The following LARGE1 variants were observed in gnomAD, a reference collection of about 807,000 sequenced individuals.
LARGE1 encodes the protein LARGE xylosyl- and glucuronyltransferase 1.
A neutral mutation model predicts 87.6 loss-of-function variants in LARGE1; 43 were observed. That is an observed-to-expected ratio of 0.49 (90% confidence interval 0.38 to 0.63). The LOEUF is 0.63. Among genes scored for constraint, LARGE1 ranks in the 30% least tolerant of loss-of-function variants. The probability of loss-of-function intolerance (pLI) is 0.00; values close to 1 mark genes in which losing one functional copy is unlikely to be tolerated. For missense variants in LARGE1, 802 were observed against 1,000.2 expected, an observed-to-expected ratio of 0.80 and a Z score of 2.67; for synonymous variants, 434 against 394.6, an observed-to-expected ratio of 1.10 and a Z score of -1.18.
intron 5 of LARGE1, among the ~76,000 whole-genome samples, chr22:33,588,335 A>G (rs995789532): frequency 2.6e-5 from 4 of 152,194 alleles, no homozygotes; most frequent in African/African-American, 4.8e-5. Flanking sequence ...TAGAAGGGGA[A>G]CCCAAATTTG....
chr22:33,770,342 C>T (rs2145808172), intron 1 of LARGE1, among the ~76,000 whole-genome samples: 1 of 152,324 alleles, frequency 6.6e-6, no homozygotes, highest in South Asian at 2.1e-4. Flanking sequence ...AAGCATTGCA[C>T]TGATAACGTA....
intron 11 of LARGE1, among the ~76,000 whole-genome samples, chr22:33,239,329 G>C (rs1926394998): frequency 6.6e-6 from 1 of 152,068 alleles, no homozygotes; most frequent in Admixed American, 6.5e-5. Context: ...CAGGAAGATA[G>C]TGCCCACTTA....
intron 9 of LARGE1, among the ~76,000 whole-genome samples, chr22:33,368,379 C>A (rs952804139): frequency 6.6e-6 from 1 of 151,826 alleles, no homozygotes; most frequent in Non-Finnish European, 1.5e-5. Context: ...ACCAAAAATG[C>A]AAAAATTAGC....
chr22:33,081,531 G>A, the LARGE1 span, among the ~76,000 whole-genome samples: 4 of 152,188 alleles, frequency 2.6e-5, no homozygotes, highest in East Asian at 3.9e-4. Context: ...TAGGCAATAC[G>A]GGTGCAGGGG....
chr22:33,474,324 T>A (rs142196099), intron 6 of LARGE1, among the ~76,000 whole-genome samples: 284 of 152,246 alleles, frequency 1.9e-3, no homozygotes, highest in African/African-American at 6.7e-3. Context: ...CCACCATGCC[T>A]GGCTAATTTT....
chr22:33,483,134 CA>C (rs1173741638), intron 6 of LARGE1, among the ~76,000 whole-genome samples: 3 of 152,172 alleles, frequency 2.0e-5, no homozygotes, highest in Non-Finnish European at 2.9e-5. Flanking sequence ...TCAATCTTTT[CA>C]AAAGTCTTGG....
the LARGE1 span, among the ~76,000 whole-genome samples, chr22:33,067,535 T>C: frequency 6.6e-6 from 1 of 152,164 alleles, no homozygotes; most frequent in African/African-American, 2.4e-5. Flanking sequence ...TTAAGATAGA[T>C]ATTAATACCT....
chr22:33,591,317 G>C (rs1163432967), intron 5 of LARGE1, among the ~76,000 whole-genome samples: 1 of 152,214 alleles, frequency 6.6e-6, no homozygotes, highest in African/African-American at 2.4e-5. Context: ...ACTTTGTATT[G>C]TGAGTCCTTT....
At chr22:33,318,638 C>T (rs975005287) in intron 10 of LARGE1, among the ~76,000 whole-genome samples, 2 of 151,952 alleles carry the variant, frequency 1.3e-5, no homozygotes, top group East Asian at 3.9e-4. Context: ...AGGAGATATA[C>T]CTAATGTTAA....
chr22:33,104,730 CTCT>C, the LARGE1 span, among the ~76,000 whole-genome samples: 1 of 152,150 alleles, frequency 6.6e-6, no homozygotes, highest in Non-Finnish European at 1.5e-5. Context: ...TTGCAGAGAC[CTCT>C]TCTTCTGCCT....
intron 9 of LARGE1, among the ~76,000 whole-genome samples, chr22:33,363,800 T>C (rs145875542): frequency 2.7e-5 from 4 of 149,972 alleles, no homozygotes; most frequent in Non-Finnish European, 4.5e-5. Context: ...AACACAAGCA[T>C]TGCGATCCCA....
intron 6 of LARGE1, among the ~76,000 whole-genome samples, chr22:33,462,482 T>C (rs1469414684): frequency 6.6e-6 from 1 of 152,014 alleles, no homozygotes; most frequent in Non-Finnish European, 1.5e-5. Flanking sequence ...AGATAAACAT[T>C]TAAAAATATA....
At chr22:33,289,844 CT>C (rs1248382670) in intron 12 of LARGE1, among the ~76,000 whole-genome samples, 1 of 152,070 alleles carries the variant, frequency 6.6e-6, no homozygotes, top group East Asian at 1.9e-4. Flanking sequence ...TTCTGTATAT[CT>C]TTTTTCCCCG....
intron 5 of LARGE1, among the ~76,000 whole-genome samples, chr22:33,601,300 T>G (rs765236614): frequency 6.6e-6 from 1 of 151,992 alleles, no homozygotes. Flanking sequence ...ATGGACTAGG[T>G]AGGTGTAGGG....
chr22:33,067,895 G>A, the LARGE1 span, among the ~76,000 whole-genome samples: 3 of 152,068 alleles, frequency 2.0e-5, no homozygotes, highest in Admixed American at 1.3e-4. Flanking sequence ...CAGGAGAATC[G>A]GTTGAACCTG....
intron 2 of LARGE1, chr22:33,726,243 G>A (rs1312604696): frequency 6.6e-6 from 1 of 152,150 alleles, no homozygotes; most frequent in Non-Finnish European, 1.5e-5. Flanking sequence ...CAGACAGATT[G>A]AGACAAAAAT....
chr22:33,124,344 C>G, the LARGE1 span, among the ~76,000 whole-genome samples: 2 of 36,810 alleles, frequency 5.4e-5, no homozygotes, highest in African/African-American at 3.2e-4. Context: ...GACAAAGAGA[C>G]AAAGAAAGGA....
intron 2 of LARGE1, among the ~76,000 whole-genome samples, chr22:33,747,332 C>T (rs1156277522): frequency 6.6e-6 from 1 of 152,102 alleles, no homozygotes; most frequent in African/African-American, 2.4e-5. Flanking sequence ...CTCCTCCTGA[C>T]CTCATCCACC....
At position 33,427,270 on chromosome 22, in the gene LARGE1, C is replaced by T. The variant is rs145393575; in HGVS notation, c.892+4891G>A. Among the ~76,000 whole-genome samples, 8 of 152,262 alleles carry T rather than the reference C, an allele frequency of 5.3e-5. No homozygotes were observed. The East Asian group carries it at 9.6e-4, about 18-fold the overall frequency. On this transcript the variant is annotated intron_variant, in intron 7 of 14. Coordinates refer to ENST00000397394, the MANE Select transcript of LARGE1 (RefSeq NM_133642.5). ...TGTGAAAGACGCCTGTAATTTCACC[C>T]GAACAGTTATGGGCAAGAGCTTCAT...
Sources: gnomAD v4.1 joint callset for allele counts (sites outside exome capture counted in the v4.1 genomes callset) on GRCh38, gnomAD v4.1.1 for gene constraint, MANE v1.5 for transcripts, NCBI Gene and HGNC (gene_info 2026-07-23, HGNC 2026-07-21) for gene names.